MYH13: variants seen among roughly 807,000 people sequenced by gnomAD.
MYH13 encodes myosin heavy chain 13, also known as myosin-13.
In MYH13, 177 loss-of-function variants were observed where a neutral mutation model predicts 232.1. The ratio of observed to expected loss-of-function variants is 0.76; its 90% CI spans 0.67 to 0.86. The LOEUF (loss-of-function observed/expected upper bound fraction) is 0.86. MYH13 is among the 40% of genes least tolerant of loss of function. MYH13 has a pLI of 0.00. For missense variants in MYH13, 2,246 were observed against 2,405.9 expected (o/e 0.93, Z 1.39); for synonymous variants, 884 against 923.5 (o/e 0.96, Z 0.78).
intron 8 of MYH13, among the ~76,000 whole-genome samples, chr17:10,356,802 T>C (rs537656311): frequency 6.6e-6 from 1 of 152,318 alleles, no homozygotes; most frequent in African/African-American, 2.4e-5. Context: ...TGGCTTTGCC[T>C]CTGAGTACTT....
At chr17:10,323,764 CAAAAAAAAAAAAAA>C (rs756659634) in intron 23 of MYH13, among the ~76,000 whole-genome samples, 5 of 90,254 alleles carry the variant, frequency 5.5e-5, no homozygotes, top group African/African-American at 1.9e-4. Flanking sequence ...CTCCATCTCA[CAAAAAAAAAAAAAA>C]AAAAAAAAAA....
intron 33 of MYH13, among the ~76,000 whole-genome samples, chr17:10,310,385 G>T (rs1036806998): frequency 1.8e-4 from 27 of 152,212 alleles, no homozygotes; most frequent in African/African-American, 5.8e-4. Flanking sequence ...GAGCCACCAT[G>T]CCCGGCTGCA....
intron 12 of MYH13, among the ~76,000 whole-genome samples, chr17:10,347,940 A>G (rs980337093): frequency 2.0e-5 from 3 of 151,644 alleles, no homozygotes; most frequent in Non-Finnish European, 4.4e-5. Context: ...GATGGTCTTG[A>G]TCTCCTGACC....
intron 11 of MYH13, among the ~76,000 whole-genome samples, chr17:10,353,372 C>T (rs2071724572): frequency 6.6e-6 from 1 of 152,154 alleles, no homozygotes; most frequent in Non-Finnish European, 1.5e-5. Context: ...CAATTATTAT[C>T]AGCTGGAAAT....
intron 18 of MYH13, among the ~76,000 whole-genome samples, chr17:10,334,170 G>A (rs942736714): frequency 4.6e-5 from 7 of 152,138 alleles, no homozygotes; most frequent in Non-Finnish European, 7.3e-5. Context: ...GAGGACAGGG[G>A]CTACGGCAAC....
rs1907471688 is a variant in MYH13, at chr17:10,333,201, G to C, written c.2057-10C>G. 6.5e-7 allele frequency: 1 copy of C among 1,527,500 alleles called. No individual in the cohort carries two copies. Among genetic ancestry groups the C allele is most frequent in the Non-Finnish European group, 8.9e-7 (1 of 1,125,178 alleles). 94.6% of individuals were successfully genotyped at this position (1,527,500 alleles called of 1,614,324 possible). A position where few individuals can be genotyped will look rare whatever the true frequency, so the allele number is the denominator to read the frequency against. On this transcript the variant is annotated splice_polypyrimidine_tract_variant and intron_variant, in intron 18 of 40. Coordinates refer to ENST00000252172, the MANE Select transcript of MYH13 (RefSeq NM_003802.3). Reference sequence around the variant, plus strand: ...TAGTGGTCCATCACACCTGGAGAGAGAACGTCCCGGGGGTGTGCCTGTGAC... The same window carrying C: ...TAGTGGTCCATCACACCTGGAGAGACAACGTCCCGGGGGTGTGCCTGTGAC...
Position 10,330,631 on chromosome 17 carries a change from C to G in MYH13, c.2299-108G>C. The G allele has an allele frequency of 2.1e-6, 3 of 1,406,952 alleles. No homozygotes were observed. In the South Asian group the frequency reaches 4.2e-5, roughly 20 times the overall value. 87.2% of individuals were successfully genotyped at this position (1,406,952 alleles called of 1,614,324 possible). A position where few individuals can be genotyped will look rare whatever the true frequency, so the allele number is the denominator to read the frequency against. ...ACTCTGAGGCTCAACTCTCAGAGCA[C>G]GGCAGGGGCAGCAATTCTGTTTCCA... On this transcript the variant is annotated intron_variant, in intron 20 of 40. Transcript: ENST00000252172.
intron 2 of MYH13, among the ~76,000 whole-genome samples, chr17:10,370,566 G>T (rs1567675533): frequency 6.6e-6 from 1 of 152,068 alleles, no homozygotes. Context: ...TCACCCACTT[G>T]TGAGGGCTCC....
chr17:10,357,800 C>T lies in MYH13; in HGVS notation c.673G>A (p.Ala225Thr), dbSNP rs898339849. The change falls in exon 8 of 41, where the codon GCC becomes ACC. Residue 225 changes from alanine to threonine, a missense_variant. Ala to Thr is a moderately conservative substitution (Grantham distance 58, BLOSUM62 0). Transcript: ENST00000252172. ...QGTLEDQIIQ[A>T]NPLLEAFGNA... ...CCAAAGGCCTCCAGCAGTGGGTTGG[C>T]CTGGATGATCTGATCCTCTAGGGTT... The T allele has an allele frequency of 2.5e-6, 4 of 1,613,620 alleles. No individual in the cohort carries two copies. In the African/African-American group the frequency reaches 4.0e-5, roughly 16 times the overall value.
intron 29 of MYH13, among the ~76,000 whole-genome samples, chr17:10,314,297 C>A (rs1156689266): frequency 6.6e-6 from 1 of 152,024 alleles, no homozygotes; most frequent in East Asian, 1.9e-4. Flanking sequence ...TGCACGTAAT[C>A]CCAGCTACTT....
chr17:10,319,264 G>A, intron 26 of MYH13, 85 bp from the exon 27 acceptor site: 4 of 1,463,412 alleles, frequency 2.7e-6, no homozygotes, highest in East Asian at 4.8e-5. Flanking sequence ...GGAATTGCGG[G>A]TAGGCAGCAT....
chr17:10,350,535 C>T, intron 12 of MYH13, 21 bp downstream of exon 12: 2 of 1,609,180 alleles, frequency 1.2e-6, no homozygotes, highest in African/African-American at 1.3e-5. Flanking sequence ...CCAATCGCAT[C>T]CCTTTCCCAG....
At chr17:10,342,428 A>G (rs1309115626) in intron 16 of MYH13, among the ~76,000 whole-genome samples, 2 of 152,134 alleles carry the variant, frequency 1.3e-5, no homozygotes, top group Non-Finnish European at 2.9e-5. Context: ...CATATGACCC[A>G]GCAACTCTAC....
intron 30 of MYH13, 95 bp from the exon 31 acceptor site, chr17:10,312,852 G>A: frequency 7.3e-7 from 1 of 1,377,422 alleles, no homozygotes. Context: ...GCGTGGAAGG[G>A]ACTGGTGTTT....
chr17:10,331,699 A>G (rs920670960), intron 20 of MYH13, among the ~76,000 whole-genome samples: 6 of 152,108 alleles, frequency 3.9e-5, no homozygotes, highest in Non-Finnish European at 7.4e-5. Context: ...TCAGCCTCCC[A>G]AAAGCATGGG....
intron 18 of MYH13, among the ~76,000 whole-genome samples, chr17:10,339,094 C>G (rs77632244): frequency 1.3e-5 from 2 of 150,550 alleles, no homozygotes; most frequent in African/African-American, 4.9e-5. Context: ...TCCCCCCCAA[C>G]CCCCCGACAA....
At position 10,318,955 on chromosome 17, in the gene MYH13, G is replaced by A; in HGVS notation, c.3573C>T (p.Ala1191=). Residue 1191 remains alanine, a synonymous_variant, in exon 27 of 41, where the codon GCC becomes GCT. Coordinates refer to ENST00000252172, the MANE Select transcript of MYH13 (RefSeq NM_003802.3). ...GCTTCTTCCTCAGGGTGGCTGCTGTGGCTTCGTGCTGCAGGGTGGCCTCCT... is the reference window on the plus strand; with the variant it reads ...GCTTCTTCCTCAGGGTGGCTGCTGTAGCTTCGTGCTGCAGGGTGGCCTCCT... ...DLEEATLQHE[A]TAATLRKKQA... 2 of 1,614,100 alleles carry A rather than the reference G, an allele frequency of 1.2e-6. No individual in the cohort carries two copies. Among genetic ancestry groups the A allele is most frequent in the Non-Finnish European group, 1.7e-6 (2 of 1,180,012 alleles).
intron 21 of MYH13, among the ~76,000 whole-genome samples, chr17:10,328,423 C>T (rs544222813): frequency 3.7e-4 from 56 of 152,348 alleles, no homozygotes; most frequent in Admixed American, 6.5e-4. Context: ...CCGTGACCTC[C>T]TAATGCTCAA....
chr17:10,358,226 G>T (rs1795243607), intron 7 of MYH13, among the ~76,000 whole-genome samples: 1 of 152,150 alleles, frequency 6.6e-6, no homozygotes. Context: ...AATAGAATGT[G>T]AGCAAAGCAA....
Sources: gnomAD v4.1 joint callset for allele counts (sites outside exome capture counted in the v4.1 genomes callset) on GRCh38, gnomAD v4.1.1 for gene constraint, MANE v1.5 for transcripts, NCBI Gene and HGNC (gene_info 2026-07-23, HGNC 2026-07-21) for gene names.